The following TANC2 variants were observed in gnomAD, a reference collection of about 807,000 sequenced individuals.
TANC2 encodes tetratricopeptide repeat, ankyrin repeat and coiled-coil containing 2.
Under a neutral mutation model 210.5 loss-of-function variants are expected in TANC2, and 26 were observed. The observed-to-expected ratio is 0.12, with a 90% confidence interval of 0.09 to 0.17. The LOEUF is 0.17. Ranked by LOEUF, TANC2 falls within the 10% of genes least tolerant of loss-of-function variation. TANC2 has a pLI of 1.00. For synonymous variants in TANC2, 931 were observed against 967.1 expected (o/e 0.96, Z 0.69); for missense variants, 2,129 against 2,608.9 (o/e 0.82, Z 4.01).
intron 2 of TANC2, among the ~76,000 whole-genome samples, chr17:63,025,440 A>G (rs923826010): frequency 1.3e-5 from 2 of 152,096 alleles, no homozygotes; most frequent in African/African-American, 2.4e-5. Flanking sequence ...GTAGAATGGA[A>G]TGAGAAATAG....
At chr17:63,293,039 AT>A (rs2044428259) in intron 9 of TANC2, among the ~76,000 whole-genome samples, 2 of 152,100 alleles carry the variant, frequency 1.3e-5, no homozygotes, top group African/African-American at 4.8e-5. Flanking sequence ...TAGAGTGAAC[AT>A]TTTTCAGACC....
intron 4 of TANC2, among the ~76,000 whole-genome samples, chr17:63,137,837 A>G (rs1441960262): frequency 5.3e-5 from 8 of 152,230 alleles, no homozygotes; most frequent in Admixed American, 5.2e-4. Context: ...ATGTATATTC[A>G]GCCCATTTGA....
intron 6 of TANC2, among the ~76,000 whole-genome samples, chr17:63,200,039 A>AT (rs950239755): frequency 7.8e-4 from 118 of 150,324 alleles, no homozygotes; most frequent in African/African-American, 2.7e-3. Flanking sequence ...AGCTGTAGAG[A>AT]TTTTTTTTTT....
At chr17:63,188,263 G>A (rs1452260887) in intron 5 of TANC2, among the ~76,000 whole-genome samples, 2 of 150,852 alleles carry the variant, frequency 1.3e-5, no homozygotes, top group South Asian at 2.1e-4. Context: ...CAGAGGTTCC[G>A]GAACAGCCTG....
chr17:63,012,555 A>G (rs973889118), intron 2 of TANC2, among the ~76,000 whole-genome samples: 4 of 108,000 alleles, frequency 3.7e-5, no homozygotes, highest in Non-Finnish European at 7.4e-5. Flanking sequence ...TTACTTAGAT[A>G]TGCCCATATA....
intron 9 of TANC2, among the ~76,000 whole-genome samples, chr17:63,300,192 A>G (rs919758015): frequency 6.6e-6 from 1 of 152,150 alleles, no homozygotes; most frequent in Non-Finnish European, 1.5e-5. Flanking sequence ...ACAGCCTTGT[A>G]GTATAGTTTG....
At position 63,326,746 on chromosome 17, in the gene TANC2, C is replaced by A. The variant is rs190718664; in HGVS notation, c.1575+7656C>A. Among the ~76,000 whole-genome samples the A allele has an allele frequency of 8.7e-3, 1,260 of 145,068 alleles. 15 individuals carry two copies. The highest frequency in any genetic ancestry group is 0.025 in the African/African-American group (1,003 of 39,558). ...CTGTCAAAAACAACAACAACAACAA[C>A]AAAAAAAAAACTTCTAATGTTGCAT... On this transcript the variant is annotated intron_variant, in intron 11 of 27. Transcript: ENST00000689528.
intron 9 of TANC2, among the ~76,000 whole-genome samples, chr17:63,275,879 C>T (rs983932699): frequency 6.6e-6 from 1 of 152,218 alleles, no homozygotes; most frequent in Admixed American, 6.5e-5. Flanking sequence ...TGCAAGATAT[C>T]TCACTGGAAA....
At chr17:63,123,670 G>C (rs902403070) in intron 4 of TANC2, among the ~76,000 whole-genome samples, 6 of 148,796 alleles carry the variant, frequency 4.0e-5, no homozygotes, top group African/African-American at 1.5e-4. Flanking sequence ...TAAAACTGTA[G>C]AGTAGGTAAA....
intron 17 of TANC2, 21 bp from the exon 18 acceptor site, chr17:63,395,722 T>C (rs771288078): frequency 3.7e-6 from 6 of 1,610,370 alleles, no homozygotes; most frequent in Middle Eastern, 1.7e-4. Flanking sequence ...TTCACACATA[T>C]CTCCTGTCCT....
Position 63,369,577 on chromosome 17 carries a change from G to A in TANC2, c.2583-10141G>A, listed in dbSNP as rs534093025. Among the ~76,000 whole-genome samples the A allele has an allele frequency of 4.5e-4, 64 of 142,462 alleles. No individual in the cohort carries two copies. The East Asian group carries it at 0.012, about 27-fold the overall frequency. 93.5% of individuals were successfully genotyped at this position (142,462 alleles called of 152,430 possible). A position where few individuals can be genotyped will look rare whatever the true frequency, so the allele number is the denominator to read the frequency against. ...GCTTTTTTTTTTTTTTTTTTGAGACGGGGTCTCACTCTGTTGCCCATGCCA... is the reference window on the plus strand; with the variant it reads ...GCTTTTTTTTTTTTTTTTTTGAGACAGGGTCTCACTCTGTTGCCCATGCCA... On this transcript the variant is annotated intron_variant, in intron 14 of 27. Coordinates refer to ENST00000689528, the Ensembl canonical transcript of TANC2.
At chr17:63,388,829 G>A (rs1441554919) in intron 16 of TANC2, 72 bp downstream of exon 16, 2 of 1,196,338 alleles carry the variant, frequency 1.7e-6, no homozygotes, top group Non-Finnish European at 1.1e-6. Flanking sequence ...AGGACATTAA[G>A]TAGCTATTTA....
At chr17:63,052,603 TA>T (rs2035621627) in intron 2 of TANC2, among the ~76,000 whole-genome samples, 2 of 152,192 alleles carry the variant, frequency 1.3e-5, no homozygotes, top group Non-Finnish European at 2.9e-5. Context: ...ACTTTTTCTG[TA>T]AAGTACCAGG....
intron 10 of TANC2, among the ~76,000 whole-genome samples, chr17:63,316,218 GTATT>G (rs1236876575): frequency 6.6e-6 from 1 of 151,898 alleles, no homozygotes; most frequent in Non-Finnish European, 1.5e-5. Flanking sequence ...GAGTGTTTAA[GTATT>G]TATCACTCCA....
At chr17:63,340,459 T>G in intron 12 of TANC2, 127 bp downstream of exon 12, 5 of 701,644 alleles carry the variant, frequency 7.1e-6, no homozygotes, top group Non-Finnish European at 1.1e-5. Context: ...GGATATCCTG[T>G]AGGATACAGT....
At chr17:63,166,833 A>G (rs2040226882) in intron 5 of TANC2, among the ~76,000 whole-genome samples, 1 of 152,188 alleles carries the variant, frequency 6.6e-6, no homozygotes, top group Non-Finnish European at 1.5e-5. Flanking sequence ...TTCGAGTTGT[A>G]AGGGTTTGGT....
intron 11 of TANC2, among the ~76,000 whole-genome samples, chr17:63,328,885 T>C (rs1292930646): frequency 6.6e-6 from 1 of 152,154 alleles, no homozygotes; most frequent in Non-Finnish European, 1.5e-5. Flanking sequence ...AAACATCACA[T>C]TGTACCCCAT....
chr17:63,262,124 G>A (rs2043377132), intron 8 of TANC2, among the ~76,000 whole-genome samples: 1 of 152,108 alleles, frequency 6.6e-6, no homozygotes, highest in Non-Finnish European at 1.5e-5. Context: ...TATAACAAAA[G>A]CAAGGAACAA....
intron 2 of TANC2, among the ~76,000 whole-genome samples, chr17:63,019,727 A>G (rs2034266543): frequency 6.6e-6 from 1 of 152,178 alleles, no homozygotes; most frequent in African/African-American, 2.4e-5. Flanking sequence ...GTAATGGCTC[A>G]TCATGTTAAT....
Sources: allele counts gnomAD v4.1 joint callset (sites outside exome capture counted in the v4.1 genomes callset), GRCh38; gene constraint gnomAD v4.1.1; transcripts MANE v1.5; gene names NCBI Gene and HGNC (gene_info 2026-07-23, HGNC 2026-07-21).